Variants in VPS13D observed in about 807,000 individuals in gnomAD.
VPS13D encodes vacuolar protein sorting 13 homolog D, also known as intermembrane lipid transfer protein VPS13D.
VPS13D carries 187 observed loss-of-function variants against 461.9 expected under a neutral mutation model. That is an observed-to-expected ratio of 0.40 (90% confidence interval 0.36 to 0.46). The LOEUF is 0.46. VPS13D is among the 20% of genes least tolerant of loss of function. The pLI is 0.60. For missense variants in VPS13D, 4,711 were observed against 5,364.9 expected, an observed-to-expected ratio of 0.88 and a Z score of 3.81; for synonymous variants, 1,951 against 1,986.3, an observed-to-expected ratio of 0.98 and a Z score of 0.47.
chr1:12,376,541 T>G (rs1644201343), intron 55 of VPS13D, among the ~76,000 whole-genome samples: 1 of 152,220 alleles, frequency 6.6e-6, no homozygotes, highest in Admixed American at 6.5e-5. Context: ...AGGCAATTTT[T>G]CTCGTTGACA....
At chr1:12,427,093 A>G (rs920372533) in intron 65 of VPS13D, among the ~76,000 whole-genome samples, 2 of 152,094 alleles carry the variant, frequency 1.3e-5, no homozygotes, top group East Asian at 1.9e-4. Context: ...ATGGAACAAT[A>G]TGATTTAGAG....
intron 66 of VPS13D, 75 bp from the exon 67 acceptor site, chr1:12,460,126 A>G: frequency 7.4e-7 from 1 of 1,346,258 alleles, no homozygotes; most frequent in South Asian, 1.5e-5. Flanking sequence ...ATCATTCCAT[A>G]ATCAAGGGGT....
chr1:12,357,997 C>T (rs1240935205), intron 49 of VPS13D, among the ~76,000 whole-genome samples: 2 of 148,824 alleles, frequency 1.3e-5, no homozygotes, highest in Non-Finnish European at 3.0e-5. Flanking sequence ...GAGCAAGATT[C>T]CACCTCAAAA....
intron 55 of VPS13D, among the ~76,000 whole-genome samples, chr1:12,375,208 C>T (rs1644181855): frequency 6.6e-6 from 1 of 152,180 alleles, no homozygotes; most frequent in Admixed American, 6.5e-5. Flanking sequence ...TTTGCCATTT[C>T]TCCAGGGAGC....
chr1:12,385,497 A>T, intron 59 of VPS13D, 124 bp downstream of exon 59: 1 of 743,024 alleles, frequency 1.3e-6, no homozygotes, highest in Non-Finnish European at 2.2e-6. Context: ...GTTACGCTTC[A>T]CAGTGTTTAC....
rs756127714 is a variant in VPS13D, at chr1:12,282,832, C to T, written c.4730C>T (p.Pro1577Leu). 1 of 1,614,114 alleles carries T rather than the reference C, an allele frequency of 6.2e-7. No individual in the cohort carries two copies. The change falls in exon 21 of 70, where the codon CCC (proline) becomes CTC (leucine). Residue 1577 changes from proline (P) to leucine (L), a missense_variant. By Grantham distance (98) the Pro-to-Leu change is moderately conservative (BLOSUM62 -3). Coordinates refer to ENST00000620676, the MANE Select transcript of VPS13D (RefSeq NM_015378.4). ...CCTTGCCCTGATTCTCCTCTGCCTC[C>T]CCTCAGTACCTGTGGAGAATCTTCT... ...SSPCPDSPLP[P>L]LSTCGESSVE...
chr1:12,297,600 A>AATATAAAT (rs1211869112), intron 24 of VPS13D, among the ~76,000 whole-genome samples: 2 of 152,152 alleles, frequency 1.3e-5, no homozygotes, highest in Non-Finnish European at 2.9e-5. Flanking sequence ...TACTTTTGGC[A>AATATAAAT]ATAATTATTT....
intron 52 of VPS13D, chr1:12,367,664 C>T (rs1165240253): frequency 6.6e-6 from 1 of 151,920 alleles, no homozygotes; most frequent in African/African-American, 2.4e-5. Flanking sequence ...AGTGCAGTGG[C>T]GCGATCTCGG....
Position 12,322,594 on chromosome 1 carries a change from C to T in VPS13D, c.7763C>T (p.Ala2588Val). The change falls in exon 34 of 70, where the codon GCC (alanine) becomes GTC (valine). Residue 2588 changes from alanine to valine, a missense_variant. Ala to Val is a moderately conservative substitution (Grantham distance 64). Around this residue, in one of 3 missense-constraint regions of VPS13D, gnomAD observed 4,411 missense variants for 4,937.8 expected, o/e 0.89. Transcript: ENST00000620676. ...TATAATGATGTTCAGCTGTTTCTTGCCATTGCAAAATCCATCCCAGAGCAA... is the reference window on the plus strand; with the variant it reads ...TATAATGATGTTCAGCTGTTTCTTGTCATTGCAAAATCCATCCCAGAGCAA... Reference protein sequence around the residue: ...LSYNDVQLFLAIAKSIPEQAN... With the variant: ...LSYNDVQLFLVIAKSIPEQAN... The T allele has an allele frequency of 6.2e-7, 1 of 1,614,202 alleles. No homozygotes were observed. Among genetic ancestry groups the T allele is most frequent in the Non-Finnish European group, 8.5e-7 (1 of 1,180,026 alleles).
intron 6 of VPS13D, among the ~76,000 whole-genome samples, chr1:12,252,416 G>A (rs1275306021): frequency 1.3e-5 from 2 of 152,022 alleles, no homozygotes; most frequent in African/African-American, 2.4e-5. Flanking sequence ...CCTTTTGTAC[G>A]GTCACCCTTC....
At chr1:12,500,481 A>G (rs1002971329) in intron 68 of VPS13D, among the ~76,000 whole-genome samples, 3 of 152,196 alleles carry the variant, frequency 2.0e-5, no homozygotes, top group Admixed American at 6.5e-5. Context: ...TGCATCACCT[A>G]TAACGGTGCA....
At chr1:12,315,189 C>T (rs572111736) in intron 30 of VPS13D, among the ~76,000 whole-genome samples, 1 of 152,166 alleles carries the variant, frequency 6.6e-6, no homozygotes, top group Non-Finnish European at 1.5e-5. Context: ...TTCATGTCAT[C>T]AGACATGTTG....
At chr1:12,282,639 T>G in intron 20 of VPS13D, 66 bp from the exon 21 acceptor site, 1 of 1,438,526 alleles carries the variant, frequency 7.0e-7, no homozygotes, top group South Asian at 1.3e-5. Flanking sequence ...CTGTAGACAT[T>G]TATGGGCATT....
intron 65 of VPS13D, among the ~76,000 whole-genome samples, chr1:12,441,029 G>A (rs557437791): frequency 1.6e-4 from 24 of 151,976 alleles, no homozygotes; most frequent in Non-Finnish European, 2.5e-4. Context: ...GGGTTCAAGC[G>A]ACTCTCCTGC....
At chr1:12,300,333 G>A (rs1642389873) in intron 25 of VPS13D, among the ~76,000 whole-genome samples, 3 of 149,354 alleles carry the variant, frequency 2.0e-5, no homozygotes, top group South Asian at 4.3e-4. Flanking sequence ...TCAGCCTCCC[G>A]ATTAGCTGAG....
intron 67 of VPS13D, among the ~76,000 whole-genome samples, chr1:12,470,571 T>G (rs1016802848): frequency 2.0e-5 from 3 of 152,240 alleles, no homozygotes; most frequent in Non-Finnish European, 4.4e-5. Flanking sequence ...CAGTAGAAAT[T>G]TATTGAGTCT....
At chr1:12,307,926 T>C (rs1225501747) in intron 26 of VPS13D, among the ~76,000 whole-genome samples, 1 of 152,202 alleles carries the variant, frequency 6.6e-6, no homozygotes, top group Admixed American at 6.5e-5. Flanking sequence ...AATGGAATTA[T>C]GTAGGCCTAA....
intron 65 of VPS13D, among the ~76,000 whole-genome samples, chr1:12,428,019 C>T (rs2100286067): frequency 6.6e-6 from 1 of 152,278 alleles, no homozygotes; most frequent in South Asian, 2.1e-4. Flanking sequence ...CAATGTATGA[C>T]AAGAATAATT....
intron 68 of VPS13D, among the ~76,000 whole-genome samples, chr1:12,500,931 C>A (rs553983561): frequency 6.6e-6 from 1 of 151,874 alleles, no homozygotes; most frequent in East Asian, 2.0e-4. Context: ...GCACACACCT[C>A]TATCCCCAGC....
Sources: allele counts gnomAD v4.1 joint callset (sites outside exome capture counted in the v4.1 genomes callset), GRCh38; gene constraint gnomAD v4.1.1; regional missense constraint gnomAD v4.1.1; transcripts MANE v1.5; gene names NCBI Gene and HGNC (gene_info 2026-07-23, HGNC 2026-07-21).